The following BTRC variants were observed in gnomAD, a reference collection of about 807,000 sequenced individuals.
The protein encoded by BTRC is beta-transducin repeat containing E3 ubiquitin protein ligase, also known as F-box/WD repeat-containing protein 1A.
A neutral mutation model predicts 85.5 loss-of-function variants in BTRC; 42 were observed. The ratio of observed to expected loss-of-function variants is 0.49; its 90% CI spans 0.38 to 0.64. The LOEUF (loss-of-function observed/expected upper bound fraction) is 0.64. BTRC is among the 30% of genes least tolerant of loss of function. The probability of loss-of-function intolerance (pLI) is 0.00; values close to 1 mark genes in which losing one functional copy is unlikely to be tolerated. For missense variants in BTRC, 594 were observed against 743.5 expected (o/e 0.80, Z 2.34); for synonymous variants, 255 against 263.3 (o/e 0.97, Z 0.30).
intron 3 of BTRC, among the ~76,000 whole-genome samples, chr10:101,463,371 G>T (rs185937861): frequency 3.1e-3 from 473 of 151,990 alleles, no homozygotes; most frequent in Non-Finnish European, 5.8e-3. Flanking sequence ...GTAGAGACAG[G>T]GTTTCACCAT....
At chr10:101,371,601 CTTTT>C (rs937635112) in intron 1 of BTRC, among the ~76,000 whole-genome samples, 9 of 152,126 alleles carry the variant, frequency 5.9e-5, no homozygotes, top group African/African-American at 2.2e-4. Flanking sequence ...CATGTTCTTC[CTTTT>C]TTAAGGCTGA....
chr10:101,458,078 G>C (rs1589494481), intron 2 of BTRC, among the ~76,000 whole-genome samples: 1 of 151,942 alleles, frequency 6.6e-6, no homozygotes, highest in Admixed American at 6.6e-5. Flanking sequence ...GAAAAACAAA[G>C]ACATTTTAAT....
chr10:101,511,096 C>G (rs2061946636), intron 4 of BTRC, among the ~76,000 whole-genome samples: 1 of 152,212 alleles, frequency 6.6e-6, no homozygotes, highest in Non-Finnish European at 1.5e-5. Flanking sequence ...CAGGGGCTCT[C>G]CTTTACACTT....
intron 1 of BTRC, among the ~76,000 whole-genome samples, chr10:101,425,467 A>G (rs1336633116): frequency 2.0e-5 from 3 of 152,298 alleles, no homozygotes; most frequent in Admixed American, 1.3e-4. Flanking sequence ...TGTGCTGTGC[A>G]GGGCTGGATT....
chr10:101,536,740 G>C, intron 12 of BTRC, 87 bp downstream of exon 12: 2 of 968,220 alleles, frequency 2.1e-6, no homozygotes, highest in South Asian at 1.8e-5. Context: ...ACCATTCCTT[G>C]TTTCTAAAAG....
chr10:101,422,030 C>G (rs1589447197), intron 1 of BTRC, among the ~76,000 whole-genome samples: 1 of 152,216 alleles, frequency 6.6e-6, no homozygotes, highest in East Asian at 1.9e-4. Flanking sequence ...AGTTCTAGAT[C>G]CCTGAGGAAT....
At chr10:101,524,852 A>G (rs1368577067) in intron 5 of BTRC, among the ~76,000 whole-genome samples, 3 of 152,190 alleles carry the variant, frequency 2.0e-5, no homozygotes, top group Admixed American at 6.5e-5. Flanking sequence ...ATGCCAGCCA[A>G]ACAAAATCCA....
chr10:101,432,752 A>G (rs1254364640), intron 2 of BTRC, among the ~76,000 whole-genome samples: 4 of 152,200 alleles, frequency 2.6e-5, no homozygotes, highest in African/African-American at 9.7e-5. Flanking sequence ...AAAAGAAGAG[A>G]CACATAGGGC....
intron 2 of BTRC, among the ~76,000 whole-genome samples, chr10:101,461,022 A>G (rs1945210680): frequency 6.6e-6 from 1 of 151,362 alleles, no homozygotes; most frequent in African/African-American, 2.4e-5. Context: ...CCTGCCTCAG[A>G]CTCTCGAGTA....
rs572308437 is a variant in BTRC, at chr10:101,380,843, G to A, written c.48+26615G>A. 5.9e-5 allele frequency among the ~76,000 whole-genome samples: 9 copies of A among 152,300 alleles called. No homozygotes were observed. In the South Asian group the frequency reaches 8.3e-4, roughly 14 times the overall value. Reference sequence around the variant, plus strand: ...GTTAGGTGATTAAGTGGTTGTGTGAGCTTCACAGAGTGTACATAGACAAAT... The same window carrying A: ...GTTAGGTGATTAAGTGGTTGTGTGAACTTCACAGAGTGTACATAGACAAAT... On this transcript the variant is annotated intron_variant, in intron 1 of 14. Transcript: ENST00000370187.
At chr10:101,519,539 A>C (rs771852072) in intron 4 of BTRC, among the ~76,000 whole-genome samples, 19 of 152,208 alleles carry the variant, frequency 1.2e-4, no homozygotes, top group Non-Finnish European at 2.5e-4. Context: ...AACCCGTTGA[A>C]GCAAACTCTG....
At chr10:101,481,871 A>G (rs2134232077) in intron 4 of BTRC, among the ~76,000 whole-genome samples, 1 of 152,304 alleles carries the variant, frequency 6.6e-6, no homozygotes, top group Admixed American at 6.5e-5. Context: ...GGTTCCTTTT[A>G]TTGGCCCACA....
intron 4 of BTRC, among the ~76,000 whole-genome samples, chr10:101,519,070 T>A (rs2062063641): frequency 7.1e-6 from 1 of 141,290 alleles, no homozygotes; most frequent in Non-Finnish European, 1.5e-5. Context: ...AATCCTCTTC[T>A]CAGCTTTTTT....
intron 4 of BTRC, among the ~76,000 whole-genome samples, chr10:101,498,426 A>G (rs1417298322): frequency 6.6e-6 from 1 of 151,930 alleles, no homozygotes; most frequent in Non-Finnish European, 1.5e-5. Context: ...AAGTGCTGTG[A>G]TTACAGGTGT....
chr10:101,361,722 A>C (rs982477328), intron 1 of BTRC, among the ~76,000 whole-genome samples: 4 of 152,208 alleles, frequency 2.6e-5, no homozygotes, highest in African/African-American at 9.6e-5. Context: ...CCTGATTGAG[A>C]TAGAGCTATA....
intron 4 of BTRC, among the ~76,000 whole-genome samples, chr10:101,507,977 T>G (rs1222057200): frequency 6.6e-6 from 1 of 152,200 alleles, no homozygotes; most frequent in Non-Finnish European, 1.5e-5. Flanking sequence ...TGCTGTGAAT[T>G]TCTTGGTTTA....
intron 1 of BTRC, among the ~76,000 whole-genome samples, chr10:101,417,135 T>C (rs1943967555): frequency 1.3e-5 from 2 of 152,178 alleles, no homozygotes; most frequent in Admixed American, 6.5e-5. Context: ...CCATCAGAAT[T>C]AAGGAAATTA....
intron 1 of BTRC, among the ~76,000 whole-genome samples, chr10:101,419,489 C>T (rs1453643969): frequency 6.6e-6 from 1 of 152,116 alleles, no homozygotes; most frequent in Non-Finnish European, 1.5e-5. Flanking sequence ...TGGTGGAATT[C>T]TTTTCTTCAA....
At chr10:101,549,926 A>G (rs1227926419) in intron 13 of BTRC, among the ~76,000 whole-genome samples, 2 of 152,032 alleles carry the variant, frequency 1.3e-5, no homozygotes, top group Non-Finnish European at 2.9e-5. Context: ...CTGGTTGACT[A>G]TGACTAGCTT....
Sources: gnomAD v4.1 joint callset for allele counts (sites outside exome capture counted in the v4.1 genomes callset) on GRCh38, gnomAD v4.1.1 for gene constraint, MANE v1.5 for transcripts, NCBI Gene and HGNC (gene_info 2026-07-23, HGNC 2026-07-21) for gene names.